CDK19: variants seen among roughly 807,000 people sequenced by gnomAD.
CDK19 encodes the protein cyclin dependent kinase 19.
A neutral mutation model predicts 68.3 loss-of-function variants in CDK19; 20 were observed. That is an observed-to-expected ratio of 0.29 (90% CI 0.21 to 0.43). The LOEUF is 0.43. Ranked by LOEUF, CDK19 falls within the 20% of genes least tolerant of loss-of-function variation. The pLI, the probability that CDK19 is intolerant of heterozygous loss-of-function variation, is 1.00. For missense variants in CDK19, 339 were observed against 623.5 expected (o/e 0.54, Z 4.86); for synonymous variants, 221 against 222.8 (o/e 0.99, Z 0.07).
intron 2 of CDK19, among the ~76,000 whole-genome samples, chr6:110,729,080 G>C (rs1776558021): frequency 6.6e-6 from 1 of 152,128 alleles, no homozygotes; most frequent in African/African-American, 2.4e-5. Flanking sequence ...ACTATGTTAA[G>C]TGCTTTCCAC....
chr6:110,755,885 G>C (rs1475136779), intron 1 of CDK19, among the ~76,000 whole-genome samples: 1 of 152,146 alleles, frequency 6.6e-6, no homozygotes, highest in African/African-American at 2.4e-5. Context: ...AGTTTGAGGA[G>C]GGTGGATGAG....
At chr6:110,625,135 C>T (rs953448327) in intron 8 of CDK19, among the ~76,000 whole-genome samples, 13 of 152,056 alleles carry the variant, frequency 8.5e-5, no homozygotes, top group Non-Finnish European at 1.5e-4. Flanking sequence ...TCTAGAATCT[C>T]GCTACACAAA....
At chr6:110,711,496 A>G (rs1053629120) in intron 2 of CDK19, among the ~76,000 whole-genome samples, 3 of 152,272 alleles carry the variant, frequency 2.0e-5, no homozygotes, top group African/African-American at 4.8e-5. Context: ...TTACGTATCA[A>G]TTAAAACCAG....
intron 6 of CDK19, among the ~76,000 whole-genome samples, chr6:110,631,082 C>T (rs190533200): frequency 1.3e-5 from 2 of 152,246 alleles, no homozygotes; most frequent in Admixed American, 6.5e-5. Context: ...AAGGATTGTG[C>T]TTGTCTATTT....
intron 2 of CDK19, among the ~76,000 whole-genome samples, chr6:110,703,565 C>T (rs62420299): frequency 0.09 from 13,684 of 152,218 alleles, 775 homozygotes; most frequent in Middle Eastern, 0.13. Flanking sequence ...ACCTGCCAGG[C>T]ACAGTGGTTC....
intron 1 of CDK19, among the ~76,000 whole-genome samples, chr6:110,765,829 T>A (rs577740146): frequency 6.6e-6 from 1 of 152,060 alleles, no homozygotes; most frequent in Admixed American, 6.6e-5. Context: ...GATATACAAA[T>A]GACGAACAGG....
chr6:110,672,767 T>C (rs960486062), intron 2 of CDK19, among the ~76,000 whole-genome samples: 7 of 152,176 alleles, frequency 4.6e-5, no homozygotes, highest in Non-Finnish European at 1.5e-5. Flanking sequence ...ATTAGGACAA[T>C]ATCAATATTA....
At chr6:110,810,689 G>C (rs1346070827) in intron 1 of CDK19, among the ~76,000 whole-genome samples, 1 of 151,712 alleles carries the variant, frequency 6.6e-6, no homozygotes, top group African/African-American at 2.4e-5. Flanking sequence ...CAGGACAATC[G>C]CTGGAACCCA....
intron 4 of CDK19, among the ~76,000 whole-genome samples, chr6:110,645,122 T>C (rs1357381385): frequency 6.6e-6 from 1 of 152,178 alleles, no homozygotes; most frequent in Non-Finnish European, 1.5e-5. Context: ...AGAGAGCATA[T>C]ACACAACTTT....
At chr6:110,746,321 C>T (rs979041813) in intron 1 of CDK19, 120 bp from the exon 2 acceptor site, 1 of 522,702 alleles carries the variant, frequency 1.9e-6, no homozygotes, top group Non-Finnish European at 3.4e-6. Flanking sequence ...TCTCATTATA[C>T]CATGTATTGC....
At chr6:110,792,242 T>G (rs997918864) in intron 1 of CDK19, among the ~76,000 whole-genome samples, 1 of 152,166 alleles carries the variant, frequency 6.6e-6, no homozygotes, top group East Asian at 1.9e-4. Context: ...GTGCTGAGAT[T>G]ACAGGCGTGA....
intron 2 of CDK19, among the ~76,000 whole-genome samples, chr6:110,716,594 T>C (rs1775417360): frequency 6.6e-6 from 1 of 152,204 alleles, no homozygotes; most frequent in African/African-American, 2.4e-5. Context: ...CTTTCTAGAA[T>C]ATTCAAACAT....
At chr6:110,731,135 G>GAA (rs71926751) in intron 2 of CDK19, among the ~76,000 whole-genome samples, 2 of 124,006 alleles carry the variant, frequency 1.6e-5, no homozygotes, top group African/African-American at 6.4e-5. Context: ...GAAAAGAAAA[G>GAA]AAAAAAGAAA....
At chr6:110,725,444 TAGTA>T (rs1198239694) in intron 2 of CDK19, among the ~76,000 whole-genome samples, 1 of 152,142 alleles carries the variant, frequency 6.6e-6, no homozygotes, top group Non-Finnish European at 1.5e-5. Flanking sequence ...TAAACACAGA[TAGTA>T]AGAAACAGCA....
intron 1 of CDK19, among the ~76,000 whole-genome samples, chr6:110,812,873 T>A (rs942565701): frequency 6.6e-6 from 1 of 151,738 alleles, no homozygotes; most frequent in Non-Finnish European, 1.5e-5. Context: ...TCTTTCAAAT[T>A]GCTGGTATCA....
At chr6:110,809,245 T>C (rs1477056314) in intron 1 of CDK19, among the ~76,000 whole-genome samples, 1 of 149,974 alleles carries the variant, frequency 6.7e-6, no homozygotes, top group South Asian at 2.1e-4. Flanking sequence ...CCAGGCACAG[T>C]GACTCATGTC....
chr6:110,776,863 G>C lies in CDK19; in HGVS notation c.129-30662C>G, dbSNP rs1780435761. 2.0e-5 allele frequency among the ~76,000 whole-genome samples: 3 copies of C among 152,364 alleles called. No individual in the cohort carries two copies. The South Asian group carries it at 6.2e-4, about 32-fold the overall frequency. On this transcript the variant is annotated intron_variant, in intron 1 of 12. Coordinates refer to ENST00000368911, the MANE Select transcript of CDK19 (RefSeq NM_015076.5). ...TAGAATGTTTGATGTGCCAGGCACA[G>C]TTCTAAGAGTTGTACAAGCACTAAC...
intron 2 of CDK19, among the ~76,000 whole-genome samples, chr6:110,736,771 T>C (rs1227130021): frequency 2.0e-5 from 3 of 152,208 alleles, no homozygotes; most frequent in African/African-American, 4.8e-5. Flanking sequence ...CACCATTTAC[T>C]GCACATTTAT....
At chr6:110,630,892 G>C (rs1490591985) in intron 6 of CDK19, among the ~76,000 whole-genome samples, 1 of 152,168 alleles carries the variant, frequency 6.6e-6, no homozygotes, top group Non-Finnish European at 1.5e-5. Flanking sequence ...ATGTGTTCTG[G>C]TGTCTGAGTT....
Sources: gnomAD v4.1 joint callset for allele counts (sites outside exome capture counted in the v4.1 genomes callset) on GRCh38, gnomAD v4.1.1 for gene constraint, MANE v1.5 for transcripts, NCBI Gene and HGNC (gene_info 2026-07-23, HGNC 2026-07-21) for gene names.